The following CSMD1 variants were observed in gnomAD, a reference collection of about 807,000 sequenced individuals.
The protein encoded by CSMD1 is CUB and sushi domain-containing protein 1.
A neutral mutation model predicts 417.5 loss-of-function variants in CSMD1; 213 were observed. The ratio of observed to expected loss-of-function variants is 0.51; its 90% CI spans 0.46 to 0.57. CSMD1 has a LOEUF of 0.57. Among genes scored for constraint, CSMD1 ranks in the 20% least tolerant of loss-of-function variants. The pLI is 0.00. For synonymous variants in CSMD1, 2,862 were observed against 1,736.8 expected (o/e 1.65, Z -16.11); for missense variants, 6,923 against 4,529.7 (o/e 1.53, Z -15.17).
intron 11 of CSMD1, 98 bp downstream of exon 11, chr8:3,493,525 C>A: frequency 2.0e-6 from 2 of 1,007,286 alleles, no homozygotes; most frequent in Non-Finnish European, 3.0e-6. Context: ...AAGCAAACAC[C>A]TGAGGCCGAA....
At chr8:2,958,411 C>A (rs1462919511) in intron 62 of CSMD1, among the ~76,000 whole-genome samples, 1 of 152,234 alleles carries the variant, frequency 6.6e-6, no homozygotes, top group Non-Finnish European at 1.5e-5. Flanking sequence ...TCACATTCAG[C>A]TTGAATGCAT....
At chr8:3,535,897 C>T (rs867513399) in intron 10 of CSMD1, among the ~76,000 whole-genome samples, 1 of 152,124 alleles carries the variant, frequency 6.6e-6, no homozygotes, top group South Asian at 2.1e-4. Context: ...CACTAAGCTT[C>T]CCCCTCCTGG....
intron 69 of CSMD1, among the ~76,000 whole-genome samples, chr8:2,941,082 G>C (rs1171386340): frequency 1.3e-5 from 2 of 152,156 alleles, no homozygotes; most frequent in Non-Finnish European, 2.9e-5. Context: ...AGGCTCATCG[G>C]ACTTGTGTGT....
intron 6 of CSMD1, among the ~76,000 whole-genome samples, chr8:3,725,921 A>G (rs1367813447): frequency 6.6e-6 from 1 of 152,174 alleles, no homozygotes; most frequent in African/African-American, 2.4e-5. Context: ...TTTCTTTGAT[A>G]GTGGCCTGGA....
chr8:3,819,560 ACG>A (rs1801601635), intron 5 of CSMD1, among the ~76,000 whole-genome samples: 1 of 23,234 alleles, frequency 4.3e-5, no homozygotes, highest in Admixed American at 4.2e-4. Flanking sequence ...ACACACACAC[ACG>A]TATGTATATA....
chr8:3,577,168 C>A (rs1182000307), intron 9 of CSMD1, among the ~76,000 whole-genome samples: 1 of 152,168 alleles, frequency 6.6e-6, no homozygotes, highest in South Asian at 2.1e-4. Flanking sequence ...GTCCTAGGTG[C>A]CTGCTGTGAA....
chr8:4,419,352 C>A (rs945635379), intron 3 of CSMD1, among the ~76,000 whole-genome samples: 1 of 152,056 alleles, frequency 6.6e-6, no homozygotes, highest in African/African-American at 2.4e-5. Context: ...TGATAATTTC[C>A]TTTTCCAAAG....
intron 3 of CSMD1, among the ~76,000 whole-genome samples, chr8:4,316,600 T>G (rs576315873): frequency 6.6e-6 from 1 of 151,970 alleles, no homozygotes; most frequent in Admixed American, 6.6e-5. Flanking sequence ...AGACTTGGTG[T>G]AGACATCAGA....
In CSMD1 at chr8:4,265,897, C is replaced by G. The variant is rs1426801108; in HGVS notation, c.415+154056G>C. Among the ~76,000 whole-genome samples, 5 of 104,346 alleles carry G rather than the reference C, an allele frequency of 4.8e-5. 1 individual carries two copies. In the East Asian group the frequency reaches 1.3e-3, roughly 27 times the overall value. The allele number at this position is 104,346 out of a possible 152,430, so 68.5% of individuals were successfully genotyped here. On this transcript the variant is annotated intron_variant, in intron 3 of 69. Transcript: ENST00000635120. ...CACAGATAAAGATTCCCACACAAATCCAAAATAAAATGTGAAGAAATAGAT... is the reference window on the plus strand; with the variant it reads ...CACAGATAAAGATTCCCACACAAATGCAAAATAAAATGTGAAGAAATAGAT...
chr8:4,396,834 G>A (rs942067365), intron 3 of CSMD1, among the ~76,000 whole-genome samples: 2 of 152,046 alleles, frequency 1.3e-5, no homozygotes, highest in Admixed American at 1.3e-4. Context: ...TAAGCTATGA[G>A]CATGAAAAGG....
At chr8:3,347,471 T>C (rs1808091337) in intron 22 of CSMD1, among the ~76,000 whole-genome samples, 1 of 152,220 alleles carries the variant, frequency 6.6e-6, no homozygotes, top group African/African-American at 2.4e-5. Flanking sequence ...CTGTCTGTGA[T>C]CTGACCACTG....
At chr8:3,825,915 G>C (rs747960989) in intron 5 of CSMD1, among the ~76,000 whole-genome samples, 2 of 152,170 alleles carry the variant, frequency 1.3e-5, no homozygotes, top group Admixed American at 6.5e-5. Flanking sequence ...AGACATGCAG[G>C]TAAGAATTCA....
intron 37 of CSMD1, among the ~76,000 whole-genome samples, chr8:3,173,759 C>T (rs1322110406): frequency 1.3e-5 from 2 of 152,114 alleles, no homozygotes; most frequent in Admixed American, 6.5e-5. Context: ...TGTGATGTTA[C>T]TCATGTTCAC....
At chr8:3,150,223 T>A (rs561371063) in intron 40 of CSMD1, among the ~76,000 whole-genome samples, 1 of 152,172 alleles carries the variant, frequency 6.6e-6, no homozygotes, top group Non-Finnish European at 1.5e-5. Flanking sequence ...CAGGGGCTCC[T>A]ATAATAATCC....
At chr8:4,452,936 G>C (rs112801271) in intron 2 of CSMD1, among the ~76,000 whole-genome samples, 2 of 152,182 alleles carry the variant, frequency 1.3e-5, no homozygotes, top group African/African-American at 4.8e-5. Flanking sequence ...TTTTATTTTA[G>C]TTAAATAGCG....
At chr8:4,692,935 G>A (rs548013982) in intron 1 of CSMD1, among the ~76,000 whole-genome samples, 23 of 152,218 alleles carry the variant, frequency 1.5e-4, no homozygotes, top group Non-Finnish European at 3.1e-4. Context: ...TTGCCTCATT[G>A]ACAGTGGGCC....
At chr8:4,046,151 A>C (rs1044360612) in intron 3 of CSMD1, among the ~76,000 whole-genome samples, 1 of 152,132 alleles carries the variant, frequency 6.6e-6, no homozygotes, top group African/African-American at 2.4e-5. Context: ...TATGTATCAT[A>C]AATTTATATA....
intron 2 of CSMD1, among the ~76,000 whole-genome samples, chr8:4,435,623 G>T (rs992742312): frequency 5.9e-5 from 9 of 152,182 alleles, no homozygotes; most frequent in Admixed American, 4.6e-4. Flanking sequence ...GTGAATGGTG[G>T]AAGCTAGCCT....
chr8:3,095,919 C>T (rs7003958), intron 47 of CSMD1, among the ~76,000 whole-genome samples: 86,217 of 152,032 alleles, frequency 0.57, 25,180 homozygotes, highest in African/African-American at 0.7. Context: ...CAGTATTGCA[C>T]GTGTTCAGTT....
Sources: allele counts gnomAD v4.1 joint callset (sites outside exome capture counted in the v4.1 genomes callset), GRCh38; gene constraint gnomAD v4.1.1; transcripts MANE v1.5; gene names NCBI Gene and HGNC (gene_info 2026-07-23, HGNC 2026-07-21).